CAB39: variants seen among roughly 807,000 people sequenced by gnomAD.
The protein encoded by CAB39 is calcium-binding protein 39.
CAB39 carries 8 observed loss-of-function variants against 40.0 expected under a neutral mutation model. The observed-to-expected ratio is 0.20, with a 90% CI of 0.12 to 0.36. The LOEUF is 0.36. Ranked by LOEUF, CAB39 falls within the 10% of genes least tolerant of loss-of-function variation. CAB39 has a pLI of 1.00. For synonymous variants in CAB39, 156 were observed against 141.6 expected, an observed-to-expected ratio of 1.10 and a Z score of -0.72; for missense variants, 270 against 401.1, an observed-to-expected ratio of 0.67 and a Z score of 2.79.
rs1694270455 is a variant in CAB39, at chr2:230,712,886, G to C, written c.-388G>C. ...CGGGCTCGGGCCGCAAGCGGGGCGA[G>C]GGGTTCGGGGAGCGGCGCGGCCTGG... is the stretch of plus-strand genomic sequence containing the variant. On this transcript the variant is annotated 5_prime_UTR_variant, in exon 1 of 9. Coordinates refer to ENST00000258418, the MANE Select transcript of CAB39 (RefSeq NM_016289.4). The C allele has an allele frequency of 6.6e-6, 1 of 152,074 alleles. No homozygotes were observed. Among genetic ancestry groups the C allele is most frequent in the East Asian group, 1.9e-4 (1 of 5,178 alleles). The allele number at this position is 152,074 out of a possible 1,614,324, so 9.4% of individuals were successfully genotyped here. A position where few individuals can be genotyped will look rare whatever the true frequency, so the allele number is the denominator to read the frequency against.
intron 1 of CAB39, among the ~76,000 whole-genome samples, chr2:230,718,899 G>A (rs571083898): frequency 1.3e-5 from 2 of 152,234 alleles, no homozygotes; most frequent in South Asian, 4.1e-4. Flanking sequence ...ACTGAATCTG[G>A]AGCCTGGTTT....
chr2:230,809,885 G>GT (rs1696274624), intron 5 of CAB39, among the ~76,000 whole-genome samples: 1 of 152,008 alleles, frequency 6.6e-6, no homozygotes, highest in Non-Finnish European at 1.5e-5. Context: ...GCGTGGAATT[G>GT]TTTGACAGTT....
chr2:230,817,418 T>C (rs889669386), intron 7 of CAB39, among the ~76,000 whole-genome samples: 1 of 152,074 alleles, frequency 6.6e-6, no homozygotes, highest in Non-Finnish European at 1.5e-5. Flanking sequence ...ACCATTTTCT[T>C]GAATAGTTTC....
chr2:230,813,756 G>A (rs1364566129), intron 6 of CAB39, among the ~76,000 whole-genome samples: 1 of 152,072 alleles, frequency 6.6e-6, no homozygotes, highest in Non-Finnish European at 1.5e-5. Context: ...GTGACAGAGA[G>A]GCCTGGATTT....
At chr2:230,810,481 T>G (rs1315301164) in intron 6 of CAB39, among the ~76,000 whole-genome samples, 159 bp downstream of exon 6, 7 of 152,244 alleles carry the variant, frequency 4.6e-5, no homozygotes, top group Admixed American at 2.0e-4. Flanking sequence ...ACTTATAGAA[T>G]ATTACTTGGT....
At chr2:230,764,101 GAC>G (rs1179435833) in intron 2 of CAB39, among the ~76,000 whole-genome samples, 1 of 151,628 alleles carries the variant, frequency 6.6e-6, no homozygotes, top group African/African-American at 2.4e-5. Context: ...CAGCGTGGGT[GAC>G]AGAGTAAGAC....
chr2:230,819,946 G>A lies in CAB39; in HGVS notation c.*1242G>A, dbSNP rs1328431779. 1 of 152,502 alleles carries A rather than the reference G, an allele frequency of 6.6e-6. No homozygotes were observed. The highest frequency in any genetic ancestry group is 1.5e-5 in the Non-Finnish European group (1 of 68,018). 9.4% of individuals were successfully genotyped at this position (152,502 alleles called of 1,614,324 possible). A position where few individuals can be genotyped will look rare whatever the true frequency, so the allele number is the denominator to read the frequency against. On this transcript the variant is annotated 3_prime_UTR_variant, in exon 9 of 9. Coordinates refer to ENST00000258418, the MANE Select transcript of CAB39 (RefSeq NM_016289.4). ...TTGTGAACTGAATAATTAAAACTTT[G>A]GCTTCTCTTAGGAAAAGACGACTTC...
At chr2:230,759,513 T>C (rs1695252301) in intron 1 of CAB39, among the ~76,000 whole-genome samples, 1 of 152,210 alleles carries the variant, frequency 6.6e-6, no homozygotes. Flanking sequence ...TTTGACCACT[T>C]AGTACCTTGA....
chr2:230,818,731 C>G lies in CAB39; in HGVS notation c.*27C>G. 4.5e-6 allele frequency: 7 copies of G among 1,570,786 alleles called. No homozygotes were observed. Among genetic ancestry groups the G allele is most frequent in the Non-Finnish European group, 6.1e-6 (7 of 1,144,280 alleles). On this transcript the variant is annotated 3_prime_UTR_variant, in exon 9 of 9. Transcript: ENST00000258418. Reference sequence around the variant, plus strand: ...CTCCAATAAACATCTATGTTAAATCCAAATTCAGCATTTGCTGTTAGCTAT... The same window carrying G: ...CTCCAATAAACATCTATGTTAAATCGAAATTCAGCATTTGCTGTTAGCTAT...
In CAB39 at chr2:230,724,353, T is replaced by C. The variant is rs556650201; in HGVS notation, c.-44+11123T>C. On this transcript the variant is annotated intron_variant, in intron 1 of 8. Transcript: ENST00000258418. The stretch of plus-strand genomic sequence containing the variant: ...ATTGCTAACATAGCACAGGTATGTT[T>C]TAGCACAGGTATGTTAGCTGCTGAT... Among the ~76,000 whole-genome samples the C allele has an allele frequency of 2.0e-5, 3 of 151,908 alleles. No individual in the cohort carries two copies. The South Asian group carries it at 6.3e-4, about 32-fold the overall frequency.
At chr2:230,754,373 G>C (rs1379337676) in intron 1 of CAB39, among the ~76,000 whole-genome samples, 89 of 103,776 alleles carry the variant, frequency 8.6e-4, no homozygotes, top group African/African-American at 1.4e-3. Context: ...GTCCCCTTCT[G>C]CCTTCCTCTT....
In CAB39 at chr2:230,790,994, C is replaced by T; in HGVS notation, c.237C>T (p.Leu79=). ...CTCAAGAACTCTATAATAGTGGGCT[C>T]CTTAGCACCCTGGTAGCTGATTTAC... The part of the protein sequence containing the change: ...QLAQELYNSG[L]LSTLVADLQL... Residue 79 remains leucine, a synonymous_variant, in exon 3 of 9, where the codon CTC becomes CTT. Coordinates refer to ENST00000258418, the MANE Select transcript of CAB39 (RefSeq NM_016289.4). The T allele has an allele frequency of 6.2e-7, 1 of 1,604,764 alleles. No homozygotes were observed. The highest frequency in any genetic ancestry group is 8.5e-7 in the Non-Finnish European group (1 of 1,177,396).
intron 2 of CAB39, among the ~76,000 whole-genome samples, chr2:230,764,897 T>A (rs1381249210): frequency 6.6e-6 from 1 of 152,238 alleles, no homozygotes; most frequent in Admixed American, 6.5e-5. Context: ...ATTTGTTAAC[T>A]CCAAGTGTTA....
rs748968703 is a variant in CAB39, at chr2:230,760,007, G to A, written c.6G>A (p.Pro2=). The A allele has an allele frequency of 1.4e-5, 22 of 1,607,592 alleles. No homozygotes were observed. The highest frequency in any genetic ancestry group is 5.0e-5 in the Admixed American group (3 of 59,940). ...AGGCCCCTGCCGCTGCCGTCATGCC[G>A]TTCCCGTTTGGGAAGTCTCACAAAT... M[P]FPFGKSHKSP... is the part of the protein sequence containing the mutation. The change falls in exon 2 of 9, where the codon CCG becomes CCA. Residue 2 remains proline (P), a synonymous_variant. Coordinates refer to ENST00000258418, the MANE Select transcript of CAB39 (RefSeq NM_016289.4).
intron 5 of CAB39, among the ~76,000 whole-genome samples, chr2:230,799,612 T>C (rs1696050163): frequency 6.6e-6 from 1 of 152,254 alleles, no homozygotes; most frequent in Admixed American, 6.5e-5. Context: ...AGGAGTCTTT[T>C]ACAATGAGAG....
At chr2:230,728,737 G>C (rs1306274556) in intron 1 of CAB39, among the ~76,000 whole-genome samples, 1 of 152,088 alleles carries the variant, frequency 6.6e-6, no homozygotes, top group Admixed American at 6.5e-5. Flanking sequence ...GGCCTCCTGA[G>C]TAGCTAGGGC....
intron 7 of CAB39, among the ~76,000 whole-genome samples, chr2:230,814,438 G>T (rs1696363547): frequency 6.6e-6 from 1 of 152,172 alleles, no homozygotes; most frequent in Non-Finnish European, 1.5e-5. Context: ...GTGCTCCTGG[G>T]CTGTGGCCTG....
intron 1 of CAB39, among the ~76,000 whole-genome samples, chr2:230,727,365 T>TGTGTGTGTGTGTGTGTGTGTTAACC (rs1694601242): frequency 1.7e-5 from 1 of 59,096 alleles, no homozygotes; most frequent in East Asian, 6.3e-4. Context: ...TTGTTAACCG[T>TGTGTGTGTGTGTGTGTGTGTTAACC]GTGTGTGTGT....
intron 2 of CAB39, among the ~76,000 whole-genome samples, chr2:230,776,985 C>A (rs1695603651): frequency 6.6e-6 from 1 of 152,170 alleles, no homozygotes; most frequent in Non-Finnish European, 1.5e-5. Context: ...CCGCACCTGG[C>A]CTTTCATCCA....
Sources: allele counts gnomAD v4.1 joint callset (sites outside exome capture counted in the v4.1 genomes callset), GRCh38; gene constraint gnomAD v4.1.1; transcripts MANE v1.5; gene names NCBI Gene and HGNC (gene_info 2026-07-23, HGNC 2026-07-21).